OPN3: variants seen among roughly 807,000 people sequenced by gnomAD.
OPN3 encodes opsin 3.
A neutral mutation model predicts 33.8 loss-of-function variants in OPN3; 29 were observed. The ratio of observed to expected loss-of-function variants is 0.86; its 90% CI spans 0.64 to 1.17. The LOEUF (loss-of-function observed/expected upper bound fraction) is 1.17, where lower values mean the gene tolerates loss of function less well. Among genes scored for constraint, OPN3 ranks in the 50% most tolerant of loss-of-function variants. OPN3 has a pLI of 0.00. For missense variants in OPN3, 437 were observed against 514.1 expected (o/e 0.85, Z 1.45); for synonymous variants, 216 against 216.1 (o/e 1.00, Z 0.00).
intron 1 of OPN3, among the ~76,000 whole-genome samples, chr1:241,615,033 T>G (rs923393061): frequency 5.3e-5 from 8 of 152,302 alleles, no homozygotes; most frequent in African/African-American, 1.9e-4. Context: ...TTGAACAAGA[T>G]GGTTAACAAT....
chr1:241,640,201 G>C lies in OPN3; in HGVS notation c.54C>G (p.Ala18=). The C allele has an allele frequency of 7.3e-7, 1 of 1,366,696 alleles. No individual in the cohort carries two copies. The highest frequency in any genetic ancestry group is 9.4e-7 in the Non-Finnish European group (1 of 1,066,682). 84.7% of individuals were successfully genotyped at this position (1,366,696 alleles called of 1,614,324 possible). A position where few individuals can be genotyped will look rare whatever the true frequency, so the allele number is the denominator to read the frequency against. ...CCGGCGCCGGCCCCTCAGCGCCCGC[G>C]GCCCCGCCGCCGTCCCAGTAGCCGT... ...GGHGYWDGGG[A]AGAEGPAPAG... The change falls in exon 1 of 4, where the codon GCC becomes GCG. Residue 18 remains alanine, a synonymous_variant. Transcript: ENST00000366554.
In OPN3 at chr1:241,640,282, G is replaced by A. The variant is rs1665075873; in HGVS notation, c.-28C>T. The A allele has an allele frequency of 1.7e-6, 2 of 1,164,618 alleles. No individual in the cohort carries two copies. Among genetic ancestry groups the A allele is most frequent in the Non-Finnish European group, 2.1e-6 (2 of 947,482 alleles). 72.1% of individuals were successfully genotyped at this position (1,164,618 alleles called of 1,614,324 possible). On this transcript the variant is annotated 5_prime_UTR_variant, in exon 1 of 4. Transcript: ENST00000366554. The stretch of plus-strand genomic sequence containing the variant: ...CCCGGCGCCGGCGCGCCTGGCGGGC[G>A]GAGGCGCTCAGCTTGCGGCGGGGCT...
chr1:241,598,047 T>C (rs45572340), intron 2 of OPN3, 50 bp from the exon 3 acceptor site: 327,522 of 1,577,888 alleles, frequency 0.21, 35,721 homozygotes, highest in Non-Finnish European at 0.23. Context: ...AAAGAAGGGT[T>C]TCTTTTGTTG....
At chr1:241,597,623 TC>T in intron 3 of OPN3, 122 bp downstream of exon 3, 1 of 960,886 alleles carries the variant, frequency 1.0e-6, no homozygotes, top group South Asian at 2.2e-5. Flanking sequence ...TCCCTTTAAT[TC>T]CTAAAAAATT....
At chr1:241,636,716 C>A (rs1438716607) in intron 1 of OPN3, among the ~76,000 whole-genome samples, 2 of 152,018 alleles carry the variant, frequency 1.3e-5, no homozygotes, top group Non-Finnish European at 2.9e-5. Flanking sequence ...TGAATGTACA[C>A]ATGCATATAA....
At chr1:241,620,171 C>T (rs1464105476) in intron 1 of OPN3, among the ~76,000 whole-genome samples, 1 of 152,048 alleles carries the variant, frequency 6.6e-6, no homozygotes, top group Non-Finnish European at 1.5e-5. Context: ...AAAATTTGCC[C>T]AGCATGTACA....
rs1558436796 is a variant in OPN3 at position 241,597,919 on chromosome 1, AG to A, written c.771del (p.Leu259Ter). 1 of 1,614,068 alleles carries A rather than the reference AG, an allele frequency of 6.2e-7. No individual in the cohort carries two copies. The highest frequency in any genetic ancestry group is 1.7e-5 in the Admixed American group (1 of 60,000). ...LKYEKKLAKM[C>X]FLMIFTFLVC... ...ACCAGGAAGGTGAATATCATTAAAAAGCACATTTTGGCCAGTTTCTTTTCAT... is the reference window on the plus strand; with the variant it reads ...ACCAGGAAGGTGAATATCATTAAAAACACATTTTGGCCAGTTTCTTTTCAT... On this transcript the variant is annotated frameshift_variant, in exon 3 of 4. Coordinates refer to ENST00000366554, the MANE Select transcript of OPN3 (RefSeq NM_014322.3). LOFTEE classifies it high-confidence loss of function.
At chr1:241,616,027 T>G (rs1051989181) in intron 1 of OPN3, 3 of 452,688 alleles carry the variant, frequency 6.6e-6, no homozygotes, top group African/African-American at 2.0e-5. Flanking sequence ...TTGCTTGCAC[T>G]CTCCTGTCAT....
intron 1 of OPN3, among the ~76,000 whole-genome samples, chr1:241,613,703 A>C (rs1284899875): frequency 6.6e-6 from 1 of 152,206 alleles, no homozygotes; most frequent in African/African-American, 2.4e-5. Context: ...TTGCTAGAAC[A>C]ACCAAAGTGG....
At chr1:241,599,975 T>G (rs1278131662) in intron 2 of OPN3, among the ~76,000 whole-genome samples, 1 of 152,214 alleles carries the variant, frequency 6.6e-6, no homozygotes, top group Non-Finnish European at 1.5e-5. Context: ...CATTATTGAC[T>G]CTTCAGAGTT....
chr1:241,630,531 G>A (rs1279626314), intron 1 of OPN3: 1 of 151,936 alleles, frequency 6.6e-6, no homozygotes, highest in Non-Finnish European at 1.5e-5. Flanking sequence ...ATAAGTTTTA[G>A]CAGTTGTAAA....
chr1:241,615,779 G>A (rs1018831007), intron 1 of OPN3: 3 of 449,668 alleles, frequency 6.7e-6, no homozygotes, highest in African/African-American at 6.0e-5. Context: ...TATTTGCCTT[G>A]CTTCCCAGCA....
At chr1:241,601,842 T>C (rs7549622) in intron 2 of OPN3, among the ~76,000 whole-genome samples, 2,255 of 152,308 alleles carry the variant, frequency 0.015, 45 homozygotes, top group African/African-American at 0.052. Flanking sequence ...CAAAGATTAC[T>C]CCCTAATTTC....
chr1:241,635,812 G>A (rs779326055), intron 1 of OPN3: 2 of 1,547,548 alleles, frequency 1.3e-6, no homozygotes, highest in Non-Finnish European at 1.8e-6. Flanking sequence ...TGAAAGAAAT[G>A]AGGTGTGATT....
chr1:241,604,573 A>T lies in OPN3; in HGVS notation c.380T>A (p.Val127Asp). 6.2e-7 allele frequency: 1 copy of T among 1,609,078 alleles called. No individual in the cohort carries two copies. The change falls in exon 2 of 4, where the codon GTT becomes GAT. Residue 127 changes from valine to aspartate, a missense_variant. By Grantham distance (152) the Val-to-Asp change is radical. Transcript: ENST00000366554. ...CAGCACGGTTAGGGTGGCAATGGAA[A>T]CAATCCCTGCAAGAAGAGAAAGTGG... Reference protein sequence around the residue: ...DGFSGSLFGIVSIATLTVLAY... With the variant: ...DGFSGSLFGIDSIATLTVLAY...
chr1:241,639,603 G>T (rs796967558), intron 1 of OPN3, among the ~76,000 whole-genome samples: 43 of 151,940 alleles, frequency 2.8e-4, no homozygotes, highest in African/African-American at 1.0e-3. Flanking sequence ...GCGGGCCGGG[G>T]TTTGGGGTCA....
At chr1:241,616,355 T>C (rs1664132273) in intron 1 of OPN3, among the ~76,000 whole-genome samples, 1 of 152,206 alleles carries the variant, frequency 6.6e-6, no homozygotes, top group Admixed American at 6.5e-5. Flanking sequence ...TGCTGGCTAT[T>C]AAGAAACTCT....
Position 241,640,304 on chromosome 1 carries a change from G to C in OPN3, c.-50C>G. ...GGCGGAGGCGCTCAGCTTGCGGCGG[G>C]GCTCGCGGCGCGCTCCGCACTGGGT... On this transcript the variant is annotated 5_prime_UTR_variant, in exon 1 of 4. Transcript: ENST00000366554. 1 of 1,110,236 alleles carries C rather than the reference G, an allele frequency of 9.0e-7. No individual in the cohort carries two copies. Among genetic ancestry groups the C allele is most frequent in the Non-Finnish European group, 1.1e-6 (1 of 914,140 alleles). 68.8% of individuals were successfully genotyped at this position (1,110,236 alleles called of 1,614,324 possible). A position where few individuals can be genotyped will look rare whatever the true frequency, so the allele number is the denominator to read the frequency against.
intron 1 of OPN3, among the ~76,000 whole-genome samples, chr1:241,625,370 T>C (rs1019500935): frequency 1.1e-4 from 16 of 152,200 alleles, no homozygotes; most frequent in Non-Finnish European, 2.2e-4. Context: ...GTCTGTCAAG[T>C]GAATAGCACC....
Sources: gnomAD v4.1 joint callset for allele counts (sites outside exome capture counted in the v4.1 genomes callset) on GRCh38, gnomAD v4.1.1 for gene constraint, MANE v1.5 for transcripts, NCBI Gene and HGNC (gene_info 2026-07-23, HGNC 2026-07-21) for gene names.